CACNA1G: variants seen among roughly 807,000 people sequenced by gnomAD.
The protein encoded by CACNA1G is calcium voltage-gated channel subunit alpha1 G.
Under a neutral mutation model 219.4 loss-of-function variants are expected in CACNA1G, and 67 were observed. The ratio of observed to expected loss-of-function variants is 0.31; its 90% CI spans 0.25 to 0.37. The LOEUF (loss-of-function observed/expected upper bound fraction) is 0.37. Among genes scored for constraint, CACNA1G ranks in the 10% least tolerant of loss-of-function variants. The pLI is 1.00. For missense variants in CACNA1G, 2,380 were observed against 3,231.4 expected (o/e 0.74, Z 6.39); for synonymous variants, 1,296 against 1,345.3 (o/e 0.96, Z 0.80).
chr17:50,573,993 T>C (rs2040033395), intron 7 of CACNA1G, among the ~76,000 whole-genome samples: 1 of 152,250 alleles, frequency 6.6e-6, no homozygotes, highest in Non-Finnish European at 1.5e-5. Context: ...ACGCTTTGCC[T>C]ATGCTGTGTA....
At position 50,575,888 on chromosome 17, in the gene CACNA1G, C is replaced by T. The variant is rs1296459569; in HGVS notation, c.1486C>T (p.His496Tyr). Reference sequence around the variant, plus strand: ...CCGCCTATCCGTCCACCACCTGGTGCACCACCACCACCACCATCACCACCA... The same window carrying T: ...CCGCCTATCCGTCCACCACCTGGTGTACCACCACCACCACCATCACCACCA... ...HRRLSVHHLVHHHHHHHHHYH... is the reference protein window; with the variant it reads ...HRRLSVHHLVYHHHHHHHHYH... Residue 496 changes from histidine to tyrosine, a missense_variant, in exon 8 of 38, where the codon CAC (histidine) becomes TAC (tyrosine). His to Tyr is a moderately conservative substitution (Grantham distance 83). Coordinates refer to ENST00000359106, the MANE Select transcript of CACNA1G (RefSeq NM_018896.5). 6.5e-7 allele frequency: 1 copy of T among 1,547,662 alleles called. No homozygotes were observed. The highest frequency in any genetic ancestry group is 1.9e-5 in the Admixed American group (1 of 51,628).
chr17:50,567,988 C>T (rs780217189), intron 1 of CACNA1G, among the ~76,000 whole-genome samples: 1 of 152,182 alleles, frequency 6.6e-6, no homozygotes, highest in Non-Finnish European at 1.5e-5. Context: ...ATTGTCCACT[C>T]TGCACGGCTT....
intron 16 of CACNA1G, among the ~76,000 whole-genome samples, chr17:50,599,055 TC>T (rs1419206377): frequency 6.6e-6 from 1 of 152,216 alleles, no homozygotes; most frequent in East Asian, 1.9e-4. Flanking sequence ...GAATGTCTAT[TC>T]AGGCCCTTTG....
At position 50,603,239 on chromosome 17, in the gene CACNA1G, G is replaced by A. The variant is rs762583700; in HGVS notation, c.4169+40G>A. On this transcript the variant is annotated intron_variant, in intron 21 of 37. Coordinates refer to ENST00000359106, the MANE Select transcript of CACNA1G (RefSeq NM_018896.5). The surrounding 1 kb of genome is among the most constrained non-coding windows in gnomAD (Gnocchi z 6.4). ...AGCACTGGAACACCTCCAAGAGGTG[G>A]CCCCCTCCGCAGGGACATCTCCCAC... The A allele has an allele frequency of 3.7e-5, 58 of 1,548,202 alleles. No individual in the cohort carries two copies. The Admixed American group carries it at 9.7e-4, about 26-fold the overall frequency.
At position 50,575,779 on chromosome 17, in the gene CACNA1G, T is replaced by C; in HGVS notation, c.1377T>C (p.Gly459=). ...TGGCTCAGGTCTCTCGGGCAGCAGG[T>C]GTGCGGGTTGGGCTGCTCAGCAGCC... ...RRLAQVSRAA[G]VRVGLLSSPA... The change falls in exon 8 of 38, where the codon GGT becomes GGC. Residue 459 remains glycine, a synonymous_variant. Transcript: ENST00000359106. 6.4e-6 allele frequency: 10 copies of C among 1,555,380 alleles called. No individual in the cohort carries two copies. Among genetic ancestry groups the C allele is most frequent in the Non-Finnish European group, 8.7e-6 (10 of 1,149,720 alleles).
At position 50,617,860 on chromosome 17, in the gene CACNA1G, G is replaced by C; in HGVS notation, c.5157G>C (p.Val1719=). Reference sequence around the variant, plus strand: ...TCATGACGTTGTCCTGTTCTGCAGTGCTGAAGCTGCTGAAGATGGCTGTGG... The same window carrying C: ...TCATGACGTTGTCCTGTTCTGCAGTCCTGAAGCTGCTGAAGATGGCTGTGG... ...RIMRVLRIAR[V]LKLLKMAVGM... The change falls in exon 30 of 38, where the codon GTG becomes GTC. Residue 1719 remains valine (V), a splice_region_variant and synonymous_variant. Coordinates refer to ENST00000359106, the MANE Select transcript of CACNA1G (RefSeq NM_018896.5). The surrounding 1 kb of genome is among the most constrained non-coding windows in gnomAD (Gnocchi z 5.8). 1 of 1,613,494 alleles carries C rather than the reference G, an allele frequency of 6.2e-7. No individual in the cohort carries two copies.
In CACNA1G at chr17:50,578,428, C is replaced by G; in HGVS notation, c.2165C>G (p.Pro722Arg). 6.2e-7 allele frequency: 1 copy of G among 1,612,898 alleles called. No homozygotes were observed. The highest frequency in any genetic ancestry group is 8.5e-7 in the Non-Finnish European group (1 of 1,179,458). The change falls in exon 9 of 38, where the codon CCC (proline) becomes CGC (arginine). Residue 722 changes from proline to arginine, a missense_variant. By Grantham distance (103) the Pro-to-Arg change is moderately radical (BLOSUM62 -2). Coordinates refer to ENST00000359106, the MANE Select transcript of CACNA1G (RefSeq NM_018896.5). The surrounding 1 kb of genome is among the most constrained non-coding windows in gnomAD (Gnocchi z 4.5). Reference protein sequence around the residue: ...RQRSLGPDAEPSSVLAFWRLI... With the variant: ...RQRSLGPDAERSSVLAFWRLI... ...CGGAGCCTGGGCCCAGATGCAGAGCCCAGCTCTGTGCTGGCCTTCTGGAGG... is the reference window on the plus strand; with the variant it reads ...CGGAGCCTGGGCCCAGATGCAGAGCGCAGCTCTGTGCTGGCCTTCTGGAGG...
intron 25 of CACNA1G, among the ~76,000 whole-genome samples, chr17:50,609,462 C>G (rs1010454618): frequency 6.6e-6 from 1 of 152,188 alleles, no homozygotes; most frequent in African/African-American, 2.4e-5. Flanking sequence ...GCCACCGTCC[C>G]ACTCCTGCTC....
chr17:50,626,828 AC>A lies in CACNA1G; in HGVS notation c.*78del. On this transcript the variant is annotated 3_prime_UTR_variant, in exon 38 of 38. Coordinates refer to ENST00000359106, the MANE Select transcript of CACNA1G (RefSeq NM_018896.5). The surrounding 1 kb of genome is among the most constrained non-coding windows in gnomAD (Gnocchi z 4.3). ...CTCCTCCTCCTGGGCTATATTCCTG[AC>A]AAAAGTTCCATATAGACACCAAGGA... 6.3e-7 allele frequency: 1 copy of A among 1,593,842 alleles called. No homozygotes were observed. Among genetic ancestry groups the A allele is most frequent in the South Asian group, 1.1e-5 (1 of 90,494 alleles).
chr17:50,587,489 T>A (rs1023581773), intron 9 of CACNA1G, among the ~76,000 whole-genome samples: 1 of 152,252 alleles, frequency 6.6e-6, no homozygotes, highest in African/African-American at 2.4e-5. Flanking sequence ...CTCTATGTCC[T>A]CGTCCTGCAT....
chr17:50,570,609 G>A (rs532215983), intron 4 of CACNA1G, among the ~76,000 whole-genome samples: 2 of 131,474 alleles, frequency 1.5e-5, no homozygotes, highest in South Asian at 5.0e-4. Flanking sequence ...CTGCCCCTGG[G>A]AGGGCAGAGC....
rs781185985 is a variant in CACNA1G, at chr17:50,572,630, C to T, written c.823C>T (p.Arg275Cys). 30 of 1,597,830 alleles carry T rather than the reference C, an allele frequency of 1.9e-5. No individual in the cohort carries two copies. The highest frequency in any genetic ancestry group is 1.4e-4 in the Admixed American group (8 of 57,156). ...GAGCCCCTTCATCTGCTCCCAGCCA[C>T]GCGAGAACGGCATGCGGTCCTGCAG... ...DESPFICSQP[R>C]ENGMRSCRSV... is the part of the protein sequence containing the mutation. Residue 275 changes from arginine to cysteine, a missense_variant, in exon 6 of 38, where the codon CGC becomes TGC. This residue lies in a region of CACNA1G where 68 missense variants were observed against 85.3 expected (regional missense o/e 0.80). Transcript: ENST00000359106.
chr17:50,616,491 C>G (rs1277969693), intron 28 of CACNA1G, 107 bp downstream of exon 28: 3 of 669,836 alleles, frequency 4.5e-6, no homozygotes, highest in Non-Finnish European at 7.7e-6. Flanking sequence ...TTCTTAATTC[C>G]TGAGGTTCAG....
Position 50,596,794 on chromosome 17 carries a change from G to A in CACNA1G, c.3129G>A (p.Thr1043=), listed in dbSNP as rs766326181. 29 of 1,611,338 alleles carry A rather than the reference G, an allele frequency of 1.8e-5. No individual in the cohort carries two copies. The highest frequency in any genetic ancestry group is 5.5e-5 in the South Asian group (5 of 90,892). Residue 1043 remains threonine, a synonymous_variant, in exon 16 of 38, where the codon ACG becomes ACA. Transcript: ENST00000359106. The surrounding 1 kb of genome is among the most constrained non-coding windows in gnomAD (Gnocchi z 4.8). ...KSLLPPLIIH[T]AATPMSLPKS... ...TGCTGCCGCCTCTCATCATCCACAC[G>A]GCCGCCACACCCATGTCGCTGCCCA...
intron 16 of CACNA1G, among the ~76,000 whole-genome samples, chr17:50,597,316 C>A (rs1210583193): frequency 1.3e-5 from 2 of 152,164 alleles, no homozygotes; most frequent in Non-Finnish European, 2.9e-5. Flanking sequence ...CCGAAGCATT[C>A]TAAATGCATT....
At chr17:50,592,888 G>T (rs182485601) in intron 13 of CACNA1G, among the ~76,000 whole-genome samples, 1 of 152,152 alleles carries the variant, frequency 6.6e-6, no homozygotes, top group Non-Finnish European at 1.5e-5. Context: ...GGAAACTCCC[G>T]CTGCGGCCTG....
At chr17:50,613,830 G>A (rs906106776) in intron 26 of CACNA1G, among the ~76,000 whole-genome samples, 1 of 124,758 alleles carries the variant, frequency 8.0e-6, no homozygotes, top group South Asian at 2.8e-4. Flanking sequence ...CGGCCCACCC[G>A]GCCCACCCTC....
intron 19 of CACNA1G, among the ~76,000 whole-genome samples, chr17:50,601,887 C>A (rs1009738163): frequency 6.6e-6 from 1 of 152,188 alleles, no homozygotes; most frequent in Admixed American, 6.5e-5. Flanking sequence ...TGCCTCTCAT[C>A]CCTCTTTGCC....
In CACNA1G at chr17:50,626,809, C is replaced by A. The variant is rs769400523; in HGVS notation, c.*58C>A. 6.2e-7 allele frequency: 1 copy of A among 1,608,826 alleles called. No individual in the cohort carries two copies. The highest frequency in any genetic ancestry group is 1.3e-5 in the African/African-American group (1 of 74,970). On this transcript the variant is annotated 3_prime_UTR_variant, in exon 38 of 38. Coordinates refer to ENST00000359106, the MANE Select transcript of CACNA1G (RefSeq NM_018896.5). This position sits in a 1 kb window ranked among gnomAD's most constrained non-coding sequence, Gnocchi z 4.3. ...ACTGGGTGCCAAGTCCTAGCTCCTC[C>A]TCCTGGGCTATATTCCTGACAAAAG...
Sources: gnomAD v4.1 joint callset for allele counts (sites outside exome capture counted in the v4.1 genomes callset) on GRCh38, gnomAD v4.1.1 for gene constraint, gnomAD v4.1.1 regional missense constraint, Gnocchi (gnomAD v3.1) non-coding constraint, MANE v1.5 for transcripts, NCBI Gene and HGNC (gene_info 2026-07-23, HGNC 2026-07-21) for gene names.